EML5: variants seen among roughly 807,000 people sequenced by gnomAD.
The protein encoded by EML5 is EMAP like 5.
EML5 carries 120 observed loss-of-function variants against 250.0 expected under a neutral mutation model. The observed-to-expected ratio is 0.48, with a 90% CI of 0.41 to 0.56. EML5 has a LOEUF of 0.56. Ranked by LOEUF, EML5 falls within the 20% of genes least tolerant of loss-of-function variation. The probability of loss-of-function intolerance (pLI) is 0.00; values close to 1 mark genes in which losing one functional copy is unlikely to be tolerated. For missense variants in EML5, 2,006 were observed against 2,437.6 expected (o/e 0.82, Z 3.73); for synonymous variants, 771 against 806.5 (o/e 0.96, Z 0.75).
intron 27 of EML5, among the ~76,000 whole-genome samples, chr14:88,650,480 A>G (rs76110574): frequency 5.3e-5 from 8 of 152,172 alleles, no homozygotes; most frequent in East Asian, 1.9e-4. Context: ...ACAAAAAAAT[A>G]AAAACAAAAA....
intron 14 of EML5, among the ~76,000 whole-genome samples, chr14:88,701,397 T>C (rs1469377401): frequency 1.3e-5 from 2 of 152,228 alleles, no homozygotes; most frequent in African/African-American, 2.4e-5. Context: ...CTTAGGACAC[T>C]GTATCACAAC....
At chr14:88,669,056 C>T (rs142873203) in intron 21 of EML5, among the ~76,000 whole-genome samples, 83 of 152,276 alleles carry the variant, frequency 5.5e-4, no homozygotes, top group African/African-American at 1.9e-3. Flanking sequence ...AGTGACAGCC[C>T]ACCTGGGAGC....
intron 1 of EML5, among the ~76,000 whole-genome samples, chr14:88,780,845 T>C (rs1237650893): frequency 6.6e-6 from 1 of 152,196 alleles, no homozygotes; most frequent in Non-Finnish European, 1.5e-5. Context: ...AGTGCTGGGA[T>C]TACAAGTGTG....
Position 88,684,452 on chromosome 14 carries a change from G to A in EML5, c.2982+563C>T, listed in dbSNP as rs139473497. ...CCCAAAGTGCTGGGATTACAGGCGT[G>A]AGCCACCGCGCCCGGCCTGTTTTAT... On this transcript the variant is annotated intron_variant, in intron 20 of 43. Transcript: ENST00000554922. Among the ~76,000 whole-genome samples, 878 of 145,852 alleles carry A rather than the reference G, an allele frequency of 6.0e-3. 11 individuals are homozygous for A. The highest frequency in any genetic ancestry group is 0.021 in the African/African-American group (838 of 38,990).
chr14:88,671,502 A>G (rs2092461811), intron 21 of EML5, among the ~76,000 whole-genome samples: 1 of 152,214 alleles, frequency 6.6e-6, no homozygotes, highest in Non-Finnish European at 1.5e-5. Flanking sequence ...TTAAGTGTGC[A>G]ACATAACCAG....
intron 23 of EML5, among the ~76,000 whole-genome samples, 166 bp from the exon 24 acceptor site, chr14:88,663,285 T>C (rs974811188): frequency 6.6e-6 from 1 of 152,200 alleles, no homozygotes; most frequent in South Asian, 2.1e-4. Context: ...TAATTCCATA[T>C]TACTAAGTAA....
chr14:88,634,700 TTTG>T, intron 32 of EML5, among the ~76,000 whole-genome samples: 1 of 152,170 alleles, frequency 6.6e-6, no homozygotes, highest in East Asian at 1.9e-4. Context: ...GGATAAAAAT[TTTG>T]TTTTCTTTGC....
chr14:88,710,061 C>T (rs1380775484), intron 10 of EML5, among the ~76,000 whole-genome samples: 1 of 152,172 alleles, frequency 6.6e-6, no homozygotes, highest in Non-Finnish European at 1.5e-5. Context: ...TCTGCCCTCA[C>T]CTCTCCATTC....
rs577657412 is a variant in EML5, at chr14:88,712,491, T to C, written c.1445-8A>G. On this transcript the variant is annotated splice_polypyrimidine_tract_variant and splice_region_variant and intron_variant, in intron 9 of 43. Transcript: ENST00000554922. ...TTGTCACTTCCTTTCCTCCTAAAAA[T>C]AAATCAGAGTCTTAATTTAAAAAGT... The C allele has an allele frequency of 1.3e-6, 2 of 1,596,146 alleles. No individual in the cohort carries two copies. The highest frequency in any genetic ancestry group is 1.1e-5 in the South Asian group (1 of 89,786).
intron 21 of EML5, among the ~76,000 whole-genome samples, chr14:88,667,175 A>C (rs973647604): frequency 6.6e-6 from 1 of 152,186 alleles, no homozygotes; most frequent in Non-Finnish European, 1.5e-5. Context: ...AGTTCAAGTG[A>C]AGACATGAAG....
At position 88,656,617 on chromosome 14, in the gene EML5, T is replaced by TA. The variant is rs199683965; in HGVS notation, c.4004+758dup. Among the ~76,000 whole-genome samples, 880 of 151,838 alleles carry TA rather than the reference T, an allele frequency of 5.8e-3. 8 individuals are homozygous for TA. Among genetic ancestry groups the TA allele is most frequent in the African/African-American group, 0.019 (786 of 41,416 alleles). On this transcript the variant is annotated intron_variant, in intron 27 of 43. Transcript: ENST00000554922. ...TGTATCCCAGAACTTAAAGTATAAT[T>TA]AAAAAAAAGTGATCTCTCCTCATAA...
intron 28 of EML5, 93 bp from the exon 29 acceptor site, chr14:88,647,048 C>A (rs953388582): frequency 2.0e-5 from 24 of 1,228,370 alleles, no homozygotes; most frequent in Non-Finnish European, 2.7e-5. Flanking sequence ...AATATTTTAA[C>A]AAGTTTAATG....
chr14:88,638,772 G>A (rs564366754), intron 32 of EML5, 37 bp downstream of exon 32: 1 of 1,469,754 alleles, frequency 6.8e-7, no homozygotes, highest in African/African-American at 1.4e-5. Flanking sequence ...CAAAGCAAAT[G>A]CTTTAAATTG....
intron 8 of EML5, among the ~76,000 whole-genome samples, chr14:88,725,807 AG>A (rs2093657895): frequency 6.6e-6 from 1 of 152,198 alleles, no homozygotes; most frequent in African/African-American, 2.4e-5. Flanking sequence ...TACAATGGTG[AG>A]AATAGAAGGA....
chr14:88,740,414 A>T lies in EML5; in HGVS notation c.684T>A (p.Leu228=). 1.2e-6 allele frequency: 2 copies of T among 1,612,852 alleles called. No individual in the cohort carries two copies. The highest frequency in any genetic ancestry group is 8.5e-7 in the Non-Finnish European group (1 of 1,179,468). The change falls in exon 5 of 44, where the codon CTT becomes CTA. Residue 228 remains leucine (L), a synonymous_variant. Coordinates refer to ENST00000554922, the MANE Select transcript of EML5 (RefSeq NM_183387.3). ...CATGGGCTCCTTGTATTGTTCGTAT[A>T]AGATTGATTCCTTTCCAAACATATA... ...GDIYVWKGIN[L]IRTIQGAHAA...
chr14:88,674,717 T>C (rs1362440416), intron 21 of EML5, among the ~76,000 whole-genome samples: 2 of 152,106 alleles, frequency 1.3e-5, no homozygotes, highest in South Asian at 4.1e-4. Flanking sequence ...ATTTCAGCAT[T>C]AACTCAAAAG....
intron 1 of EML5, among the ~76,000 whole-genome samples, chr14:88,784,512 T>A (rs1210689064): frequency 3.3e-5 from 5 of 152,094 alleles, no homozygotes; most frequent in African/African-American, 1.2e-4. Context: ...TGACCAACTC[T>A]ATGCCACTAA....
intron 14 of EML5, among the ~76,000 whole-genome samples, 175 bp downstream of exon 14, chr14:88,702,269 CTA>C (rs1193715442): frequency 6.6e-6 from 1 of 151,940 alleles, no homozygotes; most frequent in African/African-American, 2.4e-5. Context: ...AATAAAAACT[CTA>C]AAACTGTAGG....
At chr14:88,791,052 C>T (rs530143502) in intron 1 of EML5, among the ~76,000 whole-genome samples, 6 of 152,142 alleles carry the variant, frequency 3.9e-5, no homozygotes, top group African/African-American at 1.4e-4. Flanking sequence ...TACAGAGCAC[C>T]ACCTCATTCC....
Sources: allele counts gnomAD v4.1 joint callset (sites outside exome capture counted in the v4.1 genomes callset), GRCh38; gene constraint gnomAD v4.1.1; transcripts MANE v1.5; gene names NCBI Gene and HGNC (gene_info 2026-07-23, HGNC 2026-07-21).